Variants in NPAS3 observed in about 807,000 individuals in gnomAD.
NPAS3 encodes the protein neuronal PAS domain protein 3.
Under a neutral mutation model 73.1 loss-of-function variants are expected in NPAS3, and 14 were observed. The observed-to-expected ratio is 0.19, with a 90% CI of 0.13 to 0.30. The LOEUF (loss-of-function observed/expected upper bound fraction) is 0.30. Among genes scored for constraint, NPAS3 ranks in the 10% least tolerant of loss-of-function variants. The pLI is 1.00. For synonymous variants in NPAS3, 620 were observed against 541.5 expected (o/e 1.14, Z -2.01); for missense variants, 1,096 against 1,250.0 (o/e 0.88, Z 1.86).
chr14:33,415,335 CTAACT>C (rs1566882407), intron 4 of NPAS3, among the ~76,000 whole-genome samples: 2 of 152,170 alleles, frequency 1.3e-5, no homozygotes, highest in East Asian at 1.9e-4. Context: ...GCCTTTCAGC[CTAACT>C]TAACTGTATC....
chr14:33,254,083 A>G (rs568672339), intron 3 of NPAS3, among the ~76,000 whole-genome samples: 1 of 152,076 alleles, frequency 6.6e-6, no homozygotes, highest in South Asian at 2.1e-4. Context: ...ACTTAAACCT[A>G]TCATTATTTT....
chr14:33,635,067 G>A (rs1050763509), intron 5 of NPAS3, among the ~76,000 whole-genome samples: 1 of 152,190 alleles, frequency 6.6e-6, no homozygotes, highest in African/African-American at 2.4e-5. Context: ...TACACAGCTG[G>A]TGGAGAAAAG....
chr14:33,478,832 G>A (rs1333553388), intron 4 of NPAS3, among the ~76,000 whole-genome samples: 1 of 152,122 alleles, frequency 6.6e-6, no homozygotes, highest in Non-Finnish European at 1.5e-5. Flanking sequence ...CCTGGCTGAG[G>A]TCCAGGGTTG....
At chr14:33,307,992 C>A (rs902286572) in intron 3 of NPAS3, among the ~76,000 whole-genome samples, 2 of 152,128 alleles carry the variant, frequency 1.3e-5, no homozygotes, top group African/African-American at 2.4e-5. Context: ...CGACTTGGGT[C>A]CCGCTGCAAC....
intron 5 of NPAS3, among the ~76,000 whole-genome samples, chr14:33,594,590 A>G (rs1297896105): frequency 6.6e-6 from 1 of 152,130 alleles, no homozygotes; most frequent in Non-Finnish European, 1.5e-5. Context: ...ATGGGACCCC[A>G]GTTCCAGACC....
chr14:33,558,215 A>G (rs1042395478), intron 4 of NPAS3, among the ~76,000 whole-genome samples: 1 of 152,234 alleles, frequency 6.6e-6, no homozygotes, highest in African/African-American at 2.4e-5. Context: ...TGTCATCCAC[A>G]GTTTCTGACC....
intron 3 of NPAS3, among the ~76,000 whole-genome samples, chr14:33,355,636 C>T (rs2045305422): frequency 6.6e-6 from 1 of 152,156 alleles, no homozygotes; most frequent in South Asian, 2.1e-4. Context: ...TCTCTCTCCC[C>T]AGTCTCTAAA....
At chr14:33,286,489 G>A (rs1047831521) in intron 3 of NPAS3, among the ~76,000 whole-genome samples, 2 of 152,138 alleles carry the variant, frequency 1.3e-5, no homozygotes, top group Admixed American at 6.5e-5. Context: ...GCCCCCAAAT[G>A]CTTTCTATTG....
intron 1 of NPAS3, among the ~76,000 whole-genome samples, chr14:33,005,821 T>C (rs1487038802): frequency 1.3e-5 from 2 of 152,210 alleles, no homozygotes; most frequent in Non-Finnish European, 2.9e-5. Context: ...TCAATCTCAC[T>C]TTAGACCTTT....
At chr14:33,691,958 A>ATT (rs2060247888) in intron 6 of NPAS3, among the ~76,000 whole-genome samples, 1 of 152,186 alleles carries the variant, frequency 6.6e-6, no homozygotes, top group Non-Finnish European at 1.5e-5. Context: ...TTCTATTCAT[A>ATT]AAGATTTTAT....
At chr14:33,577,924 A>G (rs1051776859) in intron 5 of NPAS3, among the ~76,000 whole-genome samples, 10 of 152,080 alleles carry the variant, frequency 6.6e-5, no homozygotes, top group Non-Finnish European at 1.0e-4. Context: ...CCTCCCCCCA[A>G]TTCCAAAGGC....
intron 3 of NPAS3, among the ~76,000 whole-genome samples, chr14:33,228,847 C>T (rs1594453022): frequency 6.6e-6 from 1 of 152,028 alleles, no homozygotes; most frequent in African/African-American, 2.4e-5. Context: ...GACGGTAGTC[C>T]TTATTACAGT....
chr14:33,574,255 C>T lies in NPAS3; in HGVS notation c.558+14045C>T, dbSNP rs369320129. Among the ~76,000 whole-genome samples, 6 of 152,186 alleles carry T rather than the reference C, an allele frequency of 3.9e-5. No individual in the cohort carries two copies. In the East Asian group the frequency reaches 7.8e-4, roughly 20 times the overall value. On this transcript the variant is annotated intron_variant, in intron 5 of 11. Transcript: ENST00000356141. ...TGACAGGCAGAGGAAGAGAAGGCAG[C>T]ATATACGATACAGCACAAATGATCA...
At chr14:33,418,239 G>C (rs978018731) in intron 4 of NPAS3, among the ~76,000 whole-genome samples, 1 of 151,838 alleles carries the variant, frequency 6.6e-6, no homozygotes, top group African/African-American at 2.4e-5. Context: ...GAATCTCCCA[G>C]GGAAAGGGCT....
At chr14:33,276,873 T>C (rs2041360059) in intron 3 of NPAS3, among the ~76,000 whole-genome samples, 1 of 152,114 alleles carries the variant, frequency 6.6e-6, no homozygotes, top group African/African-American at 2.4e-5. Context: ...TTCTGCTTTC[T>C]GAGGGAATGA....
At chr14:33,383,976 T>C (rs2046667790) in intron 4 of NPAS3, among the ~76,000 whole-genome samples, 1 of 152,124 alleles carries the variant, frequency 6.6e-6, no homozygotes, top group Non-Finnish European at 1.5e-5. Flanking sequence ...GTATAAAAAA[T>C]ATAAAAATAA....
At chr14:33,632,352 A>G (rs759316561) in intron 5 of NPAS3, among the ~76,000 whole-genome samples, 26 of 152,158 alleles carry the variant, frequency 1.7e-4, no homozygotes, top group Admixed American at 7.2e-4. Context: ...TAAAACTAAT[A>G]GTTTTGATGC....
intron 6 of NPAS3, among the ~76,000 whole-genome samples, chr14:33,710,705 C>CTA (rs1316009446): frequency 2.0e-5 from 3 of 152,154 alleles, no homozygotes. Flanking sequence ...GGACATTGTG[C>CTA]TATAGGCTGA....
intron 4 of NPAS3, among the ~76,000 whole-genome samples, chr14:33,524,240 A>G (rs1595083451): frequency 6.6e-6 from 1 of 152,194 alleles, no homozygotes; most frequent in East Asian, 1.9e-4. Context: ...CATAATACTT[A>G]AGTCTTAACT....
Sources: gnomAD v4.1 joint callset for allele counts (sites outside exome capture counted in the v4.1 genomes callset) on GRCh38, gnomAD v4.1.1 for gene constraint, MANE v1.5 for transcripts, NCBI Gene and HGNC (gene_info 2026-07-23, HGNC 2026-07-21) for gene names.